Variants in DNA2 observed in about 807,000 individuals in gnomAD.
The protein encoded by DNA2 is DNA replication ATP-dependent helicase/nuclease DNA2.
A neutral mutation model predicts 119.1 loss-of-function variants in DNA2; 101 were observed. The ratio of observed to expected loss-of-function variants is 0.85; its 90% confidence interval spans 0.72 to 1.00. The LOEUF (loss-of-function observed/expected upper bound fraction) is 1.00, where lower values mean the gene tolerates loss of function less well. DNA2 is among the 50% of genes least tolerant of loss of function. DNA2 has a pLI of 0.00. For synonymous variants in DNA2, 366 were observed against 424.4 expected, an observed-to-expected ratio of 0.86 and a Z score of 1.69; for missense variants, 1,121 against 1,255.5, an observed-to-expected ratio of 0.89 and a Z score of 1.62.
At chr10:68,463,880 CCT>C (rs1342334102) in intron 4 of DNA2, among the ~76,000 whole-genome samples, 3 of 152,112 alleles carry the variant, frequency 2.0e-5, no homozygotes, top group South Asian at 4.1e-4. Context: ...TTGTGTCAGC[CCT>C]CTGAGAGAGC....
intron 5 of DNA2, among the ~76,000 whole-genome samples, chr10:68,456,926 A>C (rs1326795662): frequency 1.3e-5 from 2 of 151,584 alleles, no homozygotes; most frequent in African/African-American, 2.4e-5. Context: ...CAAGGTCAGG[A>C]GATCGAGACC....
At chr10:68,463,601 G>A (rs915494303) in intron 4 of DNA2, among the ~76,000 whole-genome samples, 1 of 151,276 alleles carries the variant, frequency 6.6e-6, no homozygotes, top group Non-Finnish European at 1.5e-5. Flanking sequence ...AACCCAGGAG[G>A]TGGAGCTTGC....
At chr10:68,444,726 A>C (rs75417488) in intron 8 of DNA2, among the ~76,000 whole-genome samples, 195 bp downstream of exon 8, 1 of 7,378 alleles carries the variant, frequency 1.4e-4, no homozygotes, top group Admixed American at 8.4e-4. Context: ...AGTCCGTCTC[A>C]AAAAAAAAAA....
intron 13 of DNA2, 29 bp downstream of exon 13, chr10:68,431,833 G>A: frequency 6.9e-7 from 1 of 1,448,050 alleles, no homozygotes; most frequent in Non-Finnish European, 9.6e-7. Flanking sequence ...CAAATATTTT[G>A]TCTCTAAGCA....
At chr10:68,449,642 G>C (rs2052091216) in intron 6 of DNA2, among the ~76,000 whole-genome samples, 1 of 152,110 alleles carries the variant, frequency 6.6e-6, no homozygotes, top group African/African-American at 2.4e-5. Context: ...TCAGGCATAA[G>C]GCCGGGCTCA....
At chr10:68,453,902 G>A (rs1003175889) in intron 5 of DNA2, among the ~76,000 whole-genome samples, 6 of 152,116 alleles carry the variant, frequency 3.9e-5, no homozygotes, top group Admixed American at 3.9e-4. Context: ...TGAGTGCATT[G>A]TATATAAAAT....
chr10:68,448,964 TGTGC>T (rs1432665586), intron 6 of DNA2, among the ~76,000 whole-genome samples: 925 of 59,614 alleles, frequency 0.016, 31 homozygotes, highest in South Asian at 0.044. Context: ...TGTGTGTGTG[TGTGC>T]GTGTGTGTGT....
At chr10:68,425,768 T>C (rs895699831) in intron 14 of DNA2, among the ~76,000 whole-genome samples, 5 of 151,528 alleles carry the variant, frequency 3.3e-5, no homozygotes, top group African/African-American at 1.2e-4. Context: ...GCAAATTTAA[T>C]TAATAATTTT....
At chr10:68,437,448 C>T (rs541461630) in intron 9 of DNA2, among the ~76,000 whole-genome samples, 3 of 150,586 alleles carry the variant, frequency 2.0e-5, no homozygotes, top group African/African-American at 7.4e-5. Flanking sequence ...CCAGCCTGGC[C>T]AACATGGTGA....
chr10:68,427,824 G>A (rs2051763142), intron 14 of DNA2, among the ~76,000 whole-genome samples: 1 of 152,066 alleles, frequency 6.6e-6, no homozygotes, highest in South Asian at 2.1e-4. Flanking sequence ...ACGAGGTCGG[G>A]AGCTCAAGAC....
intron 9 of DNA2, 39 bp from the exon 10 acceptor site, chr10:68,437,280 T>G: frequency 6.7e-7 from 1 of 1,489,128 alleles, no homozygotes; most frequent in Non-Finnish European, 9.2e-7. Flanking sequence ...TCTGTTTATA[T>G]TACATACGTA....
At chr10:68,429,711 CAAAA>C (rs1165329779) in intron 14 of DNA2, among the ~76,000 whole-genome samples, 481 of 40,444 alleles carry the variant, frequency 0.012, 6 homozygotes, top group African/African-American at 0.042. Context: ...GACTCCATCT[CAAAA>C]AAAAAAAAAA....
chr10:68,454,881 G>A (rs2052164086), intron 5 of DNA2, among the ~76,000 whole-genome samples: 1 of 151,668 alleles, frequency 6.6e-6, no homozygotes, highest in African/African-American at 2.4e-5. Context: ...AAAAAGGAGG[G>A]AGGAGGAAGG....
intron 4 of DNA2, among the ~76,000 whole-genome samples, chr10:68,463,794 T>C (rs2052292250): frequency 6.6e-6 from 1 of 152,190 alleles, no homozygotes; most frequent in Non-Finnish European, 1.5e-5. Flanking sequence ...TGTGCAATAT[T>C]AAACACCAAA....
At chr10:68,450,728 A>G (rs548944863) in intron 5 of DNA2, among the ~76,000 whole-genome samples, 16 of 152,334 alleles carry the variant, frequency 1.1e-4, no homozygotes, top group Admixed American at 1.0e-3. Flanking sequence ...GTATTTTGAT[A>G]TACAATTATT....
intron 19 of DNA2, among the ~76,000 whole-genome samples, chr10:68,417,398 A>AAAAAC (rs1418151462): frequency 1.3e-5 from 2 of 150,356 alleles, no homozygotes; most frequent in Admixed American, 6.6e-5. Context: ...AACCAAAAAA[A>AAAAAC]AAAAAAAAAA....
Position 68,422,253 on chromosome 10 carries a change from T to C in DNA2, c.2669A>G (p.Asn890Ser), listed in dbSNP as rs2051675447. 1.2e-6 allele frequency: 2 copies of C among 1,610,592 alleles called. No homozygotes were observed. Among genetic ancestry groups the C allele is most frequent in the African/African-American group, 1.3e-5 (1 of 74,828 alleles). ...GTCTGTATTAAGGAAACAAACAGGA[T>C]TGTTGGGTTCAAATACTCCCATCAA... ...PWLMGVFEPN[N>S]PVCFLNTDKV... The change falls in exon 17 of 21, where the codon AAT becomes AGT. Residue 890 changes from asparagine (N) to serine (S), a missense_variant. Transcript: ENST00000358410.
chr10:68,419,847 T>C lies in DNA2; in HGVS notation c.2743A>G (p.Thr915Ala). Residue 915 changes from threonine (T) to alanine (A), a missense_variant, in exon 18 of 21, where the codon ACA becomes GCA. Coordinates refer to ENST00000358410, the MANE Select transcript of DNA2 (RefSeq NM_001080449.3). Reference sequence around the variant, plus strand: ...AGGAAAACTATGAGTTTGGCTTCTGTTACATTGCTCACACCACCTTTTTCA... The same window carrying C: ...AGGAAAACTATGAGTTTGGCTTCTGCTACATTGCTCACACCACCTTTTTCA... Reference protein sequence around the residue: ...QVEKGGVSNVTEAKLIVFLTS... With the variant: ...QVEKGGVSNVAEAKLIVFLTS... 6.2e-7 allele frequency: 1 copy of C among 1,613,936 alleles called. No individual in the cohort carries two copies. Among genetic ancestry groups the C allele is most frequent in the Non-Finnish European group, 8.5e-7 (1 of 1,179,854 alleles).
chr10:68,432,475 C>T lies in DNA2; in HGVS notation c.1682G>A (p.Arg561Lys), dbSNP rs776006595. 3.3e-5 allele frequency: 52 copies of T among 1,575,668 alleles called. No homozygotes were observed. Among genetic ancestry groups the T allele is most frequent in the Non-Finnish European group, 4.0e-5 (47 of 1,160,794 alleles). The change falls in exon 11 of 21, where the codon AGA (arginine) becomes AAA (lysine). Residue 561 changes from arginine to lysine, a missense_variant. Transcript: ENST00000358410. ...LSVLPESTLF[R>K]LDQEEKNCDI... is the part of the protein sequence containing the mutation. ...ACAATTTTTTTCTTCTTGGTCTAATCTGAACAAAGTTGATTCTGGAAGGAC... is the reference window on the plus strand; with the variant it reads ...ACAATTTTTTTCTTCTTGGTCTAATTTGAACAAAGTTGATTCTGGAAGGAC...
Sources: allele counts gnomAD v4.1 joint callset (sites outside exome capture counted in the v4.1 genomes callset), GRCh38; gene constraint gnomAD v4.1.1; transcripts MANE v1.5; gene names NCBI Gene and HGNC (gene_info 2026-07-23, HGNC 2026-07-21).